ZNF273: variants seen among roughly 807,000 people sequenced by gnomAD.
The protein encoded by ZNF273 is zinc finger protein 9.
In ZNF273, 11 loss-of-function variants were observed where a neutral mutation model predicts 14.9. That is an observed-to-expected ratio of 0.74 (90% confidence interval 0.46 to 1.22). ZNF273 has a LOEUF of 1.22. ZNF273 is among the 50% of genes most tolerant of loss of function. The probability of loss-of-function intolerance (pLI) is 0.00; values close to 1 mark genes in which losing one functional copy is unlikely to be tolerated. For synonymous variants in ZNF273, 199 were observed against 223.9 expected (o/e 0.89, Z 0.99); for missense variants, 577 against 660.6 (o/e 0.87, Z 1.39).
chr7:64,918,851 A>G (rs566005423), intron 3 of ZNF273, among the ~76,000 whole-genome samples: 2 of 152,040 alleles, frequency 1.3e-5, no homozygotes, highest in Non-Finnish European at 2.9e-5. Context: ...GGTGAAAGCT[A>G]AAGTCCTATT....
At position 64,929,975 on chromosome 7, in the gene ZNF273, T is replaced by G. The variant is rs1413863020; in HGVS notation, c.*937T>G. 1 of 152,586 alleles carries G rather than the reference T, an allele frequency of 6.6e-6. No individual in the cohort carries two copies. Among genetic ancestry groups the G allele is most frequent in the Non-Finnish European group, 1.5e-5 (1 of 68,386 alleles). 9.5% of individuals were successfully genotyped at this position (152,586 alleles called of 1,614,324 possible). A position where few individuals can be genotyped will look rare whatever the true frequency, so the allele number is the denominator to read the frequency against. ...TCTGCCTCCCAGATTCAAGCAATTC[T>G]CCTGCCTCAGCCTCCCTAGTAGCTG... On this transcript the variant is annotated 3_prime_UTR_variant, in exon 4 of 4. Transcript: ENST00000476120.
rs143013769 is a variant in ZNF273, at chr7:64,927,226, G to A, written c.326-428G>A. ...TCCTGCCTCAGCCTCCTGAGTAGCTGGGATTACAGGCATGTGCCACACCCG... is the reference window on the plus strand; with the variant it reads ...TCCTGCCTCAGCCTCCTGAGTAGCTAGGATTACAGGCATGTGCCACACCCG... On this transcript the variant is annotated intron_variant, in intron 3 of 3. Coordinates refer to ENST00000476120, the MANE Select transcript of ZNF273 (RefSeq NM_021148.3). 1.3e-3 allele frequency among the ~76,000 whole-genome samples: 196 copies of A among 152,240 alleles called. 1 individual carries two copies. The highest frequency in any genetic ancestry group is 4.6e-3 in the African/African-American group (190 of 41,542).
At chr7:64,905,729 G>A (rs988128173) in intron 1 of ZNF273, among the ~76,000 whole-genome samples, 11 of 152,212 alleles carry the variant, frequency 7.2e-5, no homozygotes, top group South Asian at 4.1e-4. Context: ...GCACTTAAGT[G>A]AGCAGGATGG....
chr7:64,894,257 G>A (rs1371923577), downstream of ZNF273, among the ~76,000 whole-genome samples: 1 of 152,144 alleles, frequency 6.6e-6, no homozygotes, highest in East Asian at 1.9e-4. Flanking sequence ...CACCAGCCTC[G>A]GCCTCCCAAT....
intron 1 of ZNF273, among the ~76,000 whole-genome samples, chr7:64,887,050 A>G (rs1791627242): frequency 6.6e-6 from 1 of 152,110 alleles, no homozygotes; most frequent in Non-Finnish European, 1.5e-5. Context: ...TATTCCTCAC[A>G]AAGGTGTTAT....
intron 3 of ZNF273, chr7:64,924,220 T>C (rs1584008705): frequency 6.6e-6 from 1 of 151,810 alleles, no homozygotes; most frequent in African/African-American, 2.4e-5. Context: ...TCTAAAATAC[T>C]TTTTAAGACT....
chr7:64,883,592 C>T (rs1333206632), downstream of ZNF273, among the ~76,000 whole-genome samples: 1 of 152,208 alleles, frequency 6.6e-6, no homozygotes, highest in Non-Finnish European at 1.5e-5. Context: ...CACTTCGTCG[C>T]ACAAGCCGTC....
chr7:64,918,445 G>A (rs970433785), intron 3 of ZNF273, among the ~76,000 whole-genome samples, 153 bp downstream of exon 3: 2 of 151,894 alleles, frequency 1.3e-5, no homozygotes, highest in African/African-American at 2.4e-5. Flanking sequence ...GGCGGATCAC[G>A]AGGTCAAGAG....
rs756109512 is a variant in ZNF273, at chr7:64,927,877, T to C, written c.549T>C (p.Tyr183=). Residue 183 remains tyrosine, a synonymous_variant, in exon 4 of 4, where the codon TAT becomes TAC. Transcript: ENST00000476120. ...TQSKIFQCDK[Y]VKVLHKFSNS... Reference sequence around the variant, plus strand: ...GCAAAATATTTCAATGTGATAAATATGTTAAAGTCCTTCATAAATTCTCAA... The same window carrying C: ...GCAAAATATTTCAATGTGATAAATACGTTAAAGTCCTTCATAAATTCTCAA... The C allele has an allele frequency of 5.0e-6, 8 of 1,613,778 alleles. No homozygotes were observed. In the Admixed American group the frequency reaches 5.0e-5, roughly 10 times the overall value.
At chr7:64,917,470 C>A in intron 1 of ZNF273, 111 bp from the exon 2 acceptor site, 1 of 1,484,442 alleles carries the variant, frequency 6.7e-7, no homozygotes, top group Non-Finnish European at 9.1e-7. Context: ...TTTAGTCACT[C>A]CTATAAGTAA....
chr7:64,883,832 C>T (rs1259042100), downstream of ZNF273, among the ~76,000 whole-genome samples: 2 of 152,218 alleles, frequency 1.3e-5, no homozygotes, highest in Non-Finnish European at 2.9e-5. Context: ...TCAAAGGCTT[C>T]TACAGTAAAC....
chr7:64,888,331 C>A, intron 1 of ZNF273: 1 of 985,342 alleles, frequency 1.0e-6, no homozygotes, highest in Non-Finnish European at 1.2e-6. Flanking sequence ...CTCAACACCT[C>A]TGAGCTCAAA....
chr7:64,935,139 C>T (rs1795049669), downstream of ZNF273, among the ~76,000 whole-genome samples: 1 of 152,094 alleles, frequency 6.6e-6, no homozygotes, highest in African/African-American at 2.4e-5. Flanking sequence ...TTGTATTTTG[C>T]AAGTTTAATA....
chr7:64,879,090 T>G (rs1791186147), intron 2 of ZNF273, among the ~76,000 whole-genome samples: 1 of 152,254 alleles, frequency 6.6e-6, no homozygotes, highest in African/African-American at 2.4e-5. Flanking sequence ...TGCCTGGTAA[T>G]CTAGGCTGTG....
chr7:64,915,658 C>T (rs945047729), intron 1 of ZNF273, among the ~76,000 whole-genome samples: 9 of 152,130 alleles, frequency 5.9e-5, no homozygotes, highest in Non-Finnish European at 8.8e-5. Context: ...CCAGCGTGGG[C>T]GTCATGGCCA....
intron 3 of ZNF273, among the ~76,000 whole-genome samples, chr7:64,897,036 A>ATAAG (rs757795070): frequency 4.7e-5 from 7 of 149,438 alleles, no homozygotes; most frequent in Non-Finnish European, 4.4e-5. Flanking sequence ...GCTAAGTAAA[A>ATAAG]TAAGTCAGCA....
intron 1 of ZNF273, among the ~76,000 whole-genome samples, chr7:64,903,844 A>G (rs1274107579): frequency 2.0e-5 from 3 of 152,232 alleles, no homozygotes; most frequent in East Asian, 1.9e-4. Flanking sequence ...CACAAATTAT[A>G]GAGCACCCAG....
the ZNF273 span, among the ~76,000 whole-genome samples, chr7:64,936,538 A>C: frequency 6.6e-6 from 1 of 152,190 alleles, no homozygotes; most frequent in African/African-American, 2.4e-5. Context: ...GATGTATCCT[A>C]CTCTGCCTCA....
downstream of ZNF273, among the ~76,000 whole-genome samples, chr7:64,884,495 C>G (rs1158361628): frequency 2.0e-5 from 3 of 152,166 alleles, no homozygotes; most frequent in African/African-American, 7.2e-5. Flanking sequence ...GATGCCAGTT[C>G]CAGGTGTGAG....
Sources: gnomAD v4.1 joint callset for allele counts (sites outside exome capture counted in the v4.1 genomes callset) on GRCh38, gnomAD v4.1.1 for gene constraint, MANE v1.5 for transcripts, NCBI Gene and HGNC (gene_info 2026-07-23, HGNC 2026-07-21) for gene names.